SMIM35: variants seen among roughly 807,000 people sequenced by gnomAD.
The protein encoded by SMIM35 is TMPRSS4 antisense RNA 1 (non-protein coding).
intron 1 of SMIM35, chr11:118,077,370 A>T: frequency 6.6e-7 from 1 of 1,514,764 alleles, no homozygotes; most frequent in Non-Finnish European, 8.9e-7. Flanking sequence ...AAGGCCCTTC[A>T]AGCAGCCTGA....
In SMIM35 at chr11:118,049,501, A is replaced by T. The variant is rs867917108; in HGVS notation, c.8-33692T>A. Among the ~76,000 whole-genome samples the T allele has an allele frequency of 9.3e-5, 14 of 151,134 alleles. 1 individual carries two copies. Among genetic ancestry groups the T allele is most frequent in the Admixed American group, 8.6e-4 (13 of 15,164 alleles). On this transcript the variant is annotated intron_variant, in intron 1 of 4. Transcript: ENST00000689828. Reference sequence around the variant, plus strand: ...GTAGCTGGGATTACAGGCACACACCACCACGCCCGGCTAATTTTTGTATTT... The same window carrying T: ...GTAGCTGGGATTACAGGCACACACCTCCACGCCCGGCTAATTTTTGTATTT...
chr11:118,085,771 C>T (rs1277437741), intron 1 of SMIM35, among the ~76,000 whole-genome samples: 1 of 152,146 alleles, frequency 6.6e-6, no homozygotes, highest in Non-Finnish European at 1.5e-5. Flanking sequence ...TCTCGAGTCC[C>T]CTCCAGCCAT....
chr11:118,081,717 C>G (rs1049324237), intron 1 of SMIM35, among the ~76,000 whole-genome samples: 2 of 152,242 alleles, frequency 1.3e-5, no homozygotes, highest in African/African-American at 4.8e-5. Flanking sequence ...TTCAGCATAT[C>G]CTGCTGTCTC....
intron 1 of SMIM35, among the ~76,000 whole-genome samples, chr11:118,048,519 AAAGAAAGG>A (rs1340054429): frequency 6.7e-6 from 1 of 148,310 alleles, no homozygotes; most frequent in Non-Finnish European, 1.5e-5. Flanking sequence ...TCTCAATAAG[AAAGAAAGG>A]AAGAAAGAAA....
intron 1 of SMIM35, among the ~76,000 whole-genome samples, chr11:118,019,181 T>A (rs2058206658): frequency 6.6e-6 from 1 of 152,212 alleles, no homozygotes; most frequent in Non-Finnish European, 1.5e-5. Context: ...GAAAATTATG[T>A]TAGGACCACT....
At chr11:118,048,938 A>G (rs1944157369) in intron 1 of SMIM35, among the ~76,000 whole-genome samples, 2 of 141,176 alleles carry the variant, frequency 1.4e-5, no homozygotes, top group Admixed American at 7.1e-5. Context: ...GCCTAGGCTG[A>G]AGAGCTGCAA....
At chr11:118,037,281 A>G (rs551357584) in intron 1 of SMIM35, among the ~76,000 whole-genome samples, 3 of 152,354 alleles carry the variant, frequency 2.0e-5, no homozygotes, top group Non-Finnish European at 4.4e-5. Context: ...CCAGGGGTCC[A>G]TGGACTGCAT....
chr11:118,014,995 A>T (rs1219039452), intron 2 of SMIM35, among the ~76,000 whole-genome samples: 3 of 152,232 alleles, frequency 2.0e-5, no homozygotes, highest in African/African-American at 7.2e-5. Context: ...ACTCCACCTC[A>T]TTCTAACTCC....
intron 1 of SMIM35, among the ~76,000 whole-genome samples, chr11:118,068,040 T>G (rs1276722696): frequency 1.3e-5 from 2 of 151,740 alleles, no homozygotes; most frequent in Non-Finnish European, 2.9e-5. Flanking sequence ...GGGCTTCCAG[T>G]ACATAAGGTC....
intron 1 of SMIM35, among the ~76,000 whole-genome samples, chr11:118,069,657 A>G (rs550001802): frequency 1.5e-4 from 23 of 152,322 alleles, no homozygotes; most frequent in African/African-American, 5.1e-4. Flanking sequence ...TTAATCTCCA[A>G]TGAATAGTGT....
chr11:118,035,215 G>A (rs1310992939), intron 1 of SMIM35, among the ~76,000 whole-genome samples: 1 of 151,920 alleles, frequency 6.6e-6, no homozygotes, highest in Non-Finnish European at 1.5e-5. Flanking sequence ...GCCTCCCAAA[G>A]TGCCCGTCTG....
At chr11:118,057,291 T>A (rs1258057749) in intron 1 of SMIM35, among the ~76,000 whole-genome samples, 1 of 151,050 alleles carries the variant, frequency 6.6e-6, no homozygotes, top group African/African-American at 2.4e-5. Context: ...TGTATGGGAG[T>A]GGGAAGGATA....
chr11:118,053,797 T>C (rs1451109715), intron 1 of SMIM35, among the ~76,000 whole-genome samples: 1 of 152,170 alleles, frequency 6.6e-6, no homozygotes, highest in Non-Finnish European at 1.5e-5. Flanking sequence ...CCCCAGCCCC[T>C]GTTCCTCTGA....
At chr11:118,010,407 A>G (rs896079368) in intron 4 of SMIM35, among the ~76,000 whole-genome samples, 6 of 152,042 alleles carry the variant, frequency 3.9e-5, no homozygotes, top group Non-Finnish European at 7.4e-5. Flanking sequence ...CATGATTTTG[A>G]TCAATTTTCT....
chr11:118,029,700 C>G (rs1479626259), intron 1 of SMIM35: 2 of 457,390 alleles, frequency 4.4e-6, no homozygotes. Flanking sequence ...ATTCATGGAA[C>G]CAGTCTCGTT....
intron 4 of SMIM35, among the ~76,000 whole-genome samples, chr11:118,010,256 G>C (rs552084276): frequency 6.6e-6 from 1 of 152,326 alleles, no homozygotes; most frequent in South Asian, 2.1e-4. Flanking sequence ...TCCTGAAGCA[G>C]AGAGAGGGGC....
chr11:118,046,089 C>A (rs1350427771), intron 1 of SMIM35, among the ~76,000 whole-genome samples: 1 of 152,170 alleles, frequency 6.6e-6, no homozygotes, highest in Non-Finnish European at 1.5e-5. Flanking sequence ...TCTAGAACAG[C>A]ATAGAGTGTT....
At chr11:118,060,495 C>T (rs893797255) in intron 1 of SMIM35, among the ~76,000 whole-genome samples, 4 of 152,216 alleles carry the variant, frequency 2.6e-5, no homozygotes, top group Non-Finnish European at 5.9e-5. Context: ...CTTCCCAGGC[C>T]GGCAGCGAGG....
intron 1 of SMIM35, among the ~76,000 whole-genome samples, chr11:118,055,372 T>G (rs1390142036): frequency 1.3e-5 from 2 of 152,148 alleles, no homozygotes; most frequent in African/African-American, 4.8e-5. Context: ...CCTGGTTTCC[T>G]AAGGACCCCA....
Sources: gnomAD v4.1 joint callset for allele counts (sites outside exome capture counted in the v4.1 genomes callset) on GRCh38, gnomAD v4.1.1 for gene constraint, MANE v1.5 for transcripts, NCBI Gene and HGNC (gene_info 2026-07-23, HGNC 2026-07-21) for gene names.